The following VOPP1 variants were observed in gnomAD, a reference collection of about 807,000 sequenced individuals.
VOPP1 encodes the protein WW domain binding protein VOPP1.
VOPP1 carries 8 observed loss-of-function variants against 23.5 expected under a neutral mutation model. That is an observed-to-expected ratio of 0.34 (90% CI 0.20 to 0.61). The LOEUF is 0.61. VOPP1 is among the 20% of genes least tolerant of loss of function. The pLI is 0.78. For synonymous variants in VOPP1, 83 were observed against 97.3 expected, an observed-to-expected ratio of 0.85 and a Z score of 0.86; for missense variants, 174 against 238.1, an observed-to-expected ratio of 0.73 and a Z score of 1.77.
downstream of VOPP1, among the ~76,000 whole-genome samples, chr7:55,466,173 G>C (rs573395777): frequency 2.0e-5 from 3 of 152,246 alleles, no homozygotes; most frequent in East Asian, 5.8e-4. Flanking sequence ...TTAGACTTCC[G>C]AACAGCCTCC....
intron 2 of VOPP1, among the ~76,000 whole-genome samples, chr7:55,501,624 T>C (rs940571307): frequency 6.6e-6 from 1 of 152,254 alleles, no homozygotes; most frequent in African/African-American, 2.4e-5. Flanking sequence ...AATTCTACTA[T>C]ATATTGTCCT....
intron 4 of VOPP1, among the ~76,000 whole-genome samples, chr7:55,448,193 T>C (rs1268101253): frequency 3.3e-5 from 5 of 152,162 alleles, no homozygotes; most frequent in Non-Finnish European, 5.9e-5. Flanking sequence ...TAAATGTGGA[T>C]GTACGTAAAA....
chr7:55,540,366 C>T (rs1797068086), intron 1 of VOPP1, among the ~76,000 whole-genome samples: 1 of 151,486 alleles, frequency 6.6e-6, no homozygotes, highest in South Asian at 2.1e-4. Context: ...CTACTGCACT[C>T]CAGCCTGGCG....
downstream of VOPP1, among the ~76,000 whole-genome samples, chr7:55,435,418 AC>A (rs1389376677): frequency 6.6e-6 from 1 of 151,842 alleles, no homozygotes; most frequent in East Asian, 1.9e-4. Context: ...ATTTAGGAAG[AC>A]CCCTCCTGTG....
At chr7:55,516,867 A>G (rs572545733) in intron 2 of VOPP1, among the ~76,000 whole-genome samples, 100 of 145,418 alleles carry the variant, frequency 6.9e-4, no homozygotes, top group Non-Finnish European at 1.2e-3. Flanking sequence ...TGAAATGTAG[A>G]ATATACTAGA....
At chr7:55,489,685 T>C (rs1793422868) in intron 4 of VOPP1, among the ~76,000 whole-genome samples, 1 of 152,118 alleles carries the variant, frequency 6.6e-6, no homozygotes, top group Non-Finnish European at 1.5e-5. Context: ...AGGTCTGCGC[T>C]CCAGGCTGTG....
chr7:55,569,577 T>C (rs1798281227), intron 1 of VOPP1, among the ~76,000 whole-genome samples: 1 of 152,140 alleles, frequency 6.6e-6, no homozygotes, highest in Non-Finnish European at 1.5e-5. Context: ...AAGTGTTCAC[T>C]TCCCATTTGA....
chr7:55,510,635 T>C (rs1489401821), intron 2 of VOPP1, among the ~76,000 whole-genome samples: 2 of 149,670 alleles, frequency 1.3e-5, no homozygotes, highest in African/African-American at 4.9e-5. Context: ...ACTGAAACAC[T>C]TGTTATGGAG....
At chr7:55,450,553 A>C (rs1014597852) in intron 4 of VOPP1, among the ~76,000 whole-genome samples, 2 of 152,274 alleles carry the variant, frequency 1.3e-5, no homozygotes, top group Non-Finnish European at 2.9e-5. Flanking sequence ...TTATATCATT[A>C]CATGTTGAAA....
At chr7:55,454,006 T>C (rs1489271352) in intron 4 of VOPP1, among the ~76,000 whole-genome samples, 1 of 152,150 alleles carries the variant, frequency 6.6e-6, no homozygotes, top group Non-Finnish European at 1.5e-5. Context: ...TCCTCATTTA[T>C]TCATCACCCA....
chr7:55,549,623 A>C (rs976077787), intron 1 of VOPP1, among the ~76,000 whole-genome samples: 1 of 152,204 alleles, frequency 6.6e-6, no homozygotes, highest in African/African-American at 2.4e-5. Flanking sequence ...CTGCAGTGCG[A>C]CCAGCCGTGT....
At chr7:55,481,722 C>T (rs147232699) in intron 4 of VOPP1, among the ~76,000 whole-genome samples, 39 of 152,292 alleles carry the variant, frequency 2.6e-4, no homozygotes, top group African/African-American at 8.2e-4. Flanking sequence ...ACTACTGCCC[C>T]TCAGTGAGTG....
intron 1 of VOPP1, among the ~76,000 whole-genome samples, chr7:55,569,188 G>A (rs1000379610): frequency 1.3e-5 from 2 of 152,226 alleles, no homozygotes; most frequent in African/African-American, 2.4e-5. Flanking sequence ...CTAGGAGAGG[G>A]ATGGTGCTGT....
At chr7:55,543,468 T>C (rs1797228141) in intron 1 of VOPP1, among the ~76,000 whole-genome samples, 1 of 152,220 alleles carries the variant, frequency 6.6e-6, no homozygotes. Flanking sequence ...GGTAGTTCCA[T>C]ATTCTTAGTT....
rs1320680013 is a variant in VOPP1, at chr7:55,537,518, TC to T, written c.55-16389del. On this transcript the variant is annotated intron_variant, in intron 1 of 4. Transcript: ENST00000285279. ...GCAAGCACCTGAGCATGTGAGCCCG[TC>T]CTTCGCATTCTGTTAGGCGCAAGGA... The T allele has an allele frequency of 2.5e-5, 38 of 1,536,056 alleles. No individual in the cohort carries two copies. In the East Asian group the frequency reaches 7.3e-4, roughly 30 times the overall value.
At chr7:55,496,289 A>T (rs768132619) in intron 3 of VOPP1, among the ~76,000 whole-genome samples, 7 of 119,460 alleles carry the variant, frequency 5.9e-5, no homozygotes, top group Non-Finnish European at 3.4e-5. Context: ...CTTCCACTCC[A>T]AGGTCCCAGG....
At chr7:55,565,124 T>C (rs775761502) in intron 1 of VOPP1, among the ~76,000 whole-genome samples, 4 of 152,232 alleles carry the variant, frequency 2.6e-5, no homozygotes, top group Admixed American at 6.5e-5. Context: ...CCTGTCTTCA[T>C]TGACCATTTG....
At chr7:55,470,269 C>T (rs1791741226), downstream of VOPP1, among the ~76,000 whole-genome samples, 1 of 152,200 alleles carries the variant, frequency 6.6e-6, no homozygotes, top group South Asian at 2.1e-4. Context: ...CTACACCCTT[C>T]AGCAGCATCT....
At chr7:55,498,722 G>C (rs1794158052) in intron 2 of VOPP1, among the ~76,000 whole-genome samples, 1 of 152,146 alleles carries the variant, frequency 6.6e-6, no homozygotes, top group African/African-American at 2.4e-5. Context: ...TTCAGCCTAA[G>C]GTCTTGGGCA....
Sources: gnomAD v4.1 joint callset for allele counts (sites outside exome capture counted in the v4.1 genomes callset) on GRCh38, gnomAD v4.1.1 for gene constraint, MANE v1.5 for transcripts, NCBI Gene and HGNC (gene_info 2026-07-23, HGNC 2026-07-21) for gene names.